SCNN1B: variants seen among roughly 807,000 people sequenced by gnomAD.
The protein encoded by SCNN1B is sodium channel epithelial 1 subunit beta.
In SCNN1B, 46 loss-of-function variants were observed where a neutral mutation model predicts 65.3. The ratio of observed to expected loss-of-function variants is 0.70; its 90% CI spans 0.56 to 0.90. SCNN1B has a LOEUF of 0.90. SCNN1B is among the 40% of genes least tolerant of loss of function. The pLI, the probability that SCNN1B is intolerant of heterozygous loss-of-function variation, is 0.00. For synonymous variants in SCNN1B, 349 were observed against 330.6 expected (o/e 1.06, Z -0.60); for missense variants, 751 against 830.5 (o/e 0.90, Z 1.18).
intron 2 of SCNN1B, among the ~76,000 whole-genome samples, chr16:23,285,852 T>C (rs1960842623): frequency 6.6e-6 from 1 of 152,094 alleles, no homozygotes; most frequent in Non-Finnish European, 1.5e-5. Context: ...TGCATGCCTA[T>C]AATCCCAGCT....
chr16:23,336,975 GTAGT>G (rs1379986201), intron 1 of SCNN1B, among the ~76,000 whole-genome samples: 1 of 152,108 alleles, frequency 6.6e-6, no homozygotes. Flanking sequence ...GAATTAGCAG[GTAGT>G]TAGAGGGAAA....
At chr16:23,376,468 G>A (rs1350472611) in intron 8 of SCNN1B, among the ~76,000 whole-genome samples, 1 of 152,092 alleles carries the variant, frequency 6.6e-6, no homozygotes, top group Non-Finnish European at 1.5e-5. Context: ...GGCGCTGGGT[G>A]GAAGGGGAGT....
At chr16:23,342,314 C>A (rs187295177) in intron 1 of SCNN1B, among the ~76,000 whole-genome samples, 4 of 152,352 alleles carry the variant, frequency 2.6e-5, no homozygotes, top group Non-Finnish European at 2.9e-5. Context: ...GTGGCACAAT[C>A]TCTGCTCACT....
At chr16:23,372,537 C>A (rs1962806326) in intron 7 of SCNN1B, among the ~76,000 whole-genome samples, 1 of 151,258 alleles carries the variant, frequency 6.6e-6, no homozygotes, top group South Asian at 2.1e-4. Context: ...CTCTGTCACC[C>A]AGGCTGGAGT....
intron 1 of SCNN1B, among the ~76,000 whole-genome samples, chr16:23,335,183 C>T (rs1260314017): frequency 6.6e-6 from 1 of 152,184 alleles, no homozygotes; most frequent in Non-Finnish European, 1.5e-5. Flanking sequence ...ATAGATTAAA[C>T]ATTGATATGC....
upstream of SCNN1B, among the ~76,000 whole-genome samples, chr16:23,298,739 CAGG>C (rs557116826): frequency 7.1e-4 from 108 of 152,334 alleles, no homozygotes; most frequent in South Asian, 1.0e-3. Context: ...GTTTTCTCCT[CAGG>C]AGGCCAAGTT....
chr16:23,309,069 T>A (rs908502688), intron 1 of SCNN1B, among the ~76,000 whole-genome samples: 2 of 152,096 alleles, frequency 1.3e-5, no homozygotes, highest in Non-Finnish European at 2.9e-5. Flanking sequence ...AGCAAAGACA[T>A]AATCTGGAGG....
At chr16:23,297,205 G>A (rs1485004316) in intron 2 of SCNN1B, among the ~76,000 whole-genome samples, 2 of 152,172 alleles carry the variant, frequency 1.3e-5, no homozygotes, top group Non-Finnish European at 2.9e-5. Context: ...TCAGGACTTA[G>A]GCAGGCAGTT....
chr16:23,335,363 A>G (rs1307465900), intron 1 of SCNN1B, among the ~76,000 whole-genome samples: 1 of 152,224 alleles, frequency 6.6e-6, no homozygotes, highest in Non-Finnish European at 1.5e-5. Flanking sequence ...ATGTTGCCTA[A>G]GCTGGCCTCA....
At chr16:23,324,881 C>A (rs1961660171) in intron 1 of SCNN1B, among the ~76,000 whole-genome samples, 1 of 152,246 alleles carries the variant, frequency 6.6e-6, no homozygotes, top group South Asian at 2.1e-4. Flanking sequence ...GGCTTAGGTG[C>A]TCACCATTGG....
At chr16:23,289,939 G>A (rs1256501240) in intron 2 of SCNN1B, among the ~76,000 whole-genome samples, 1 of 151,998 alleles carries the variant, frequency 6.6e-6, no homozygotes, top group Non-Finnish European at 1.5e-5. Flanking sequence ...GCCTCCCAAA[G>A]TGCTGGGATT....
Position 23,355,440 on chromosome 16 carries a change from G to A in SCNN1B, c.727G>A (p.Glu243Lys), listed in dbSNP as rs749944710. 1.5e-5 allele frequency: 24 copies of A among 1,614,066 alleles called. No individual in the cohort carries two copies. The highest frequency in any genetic ancestry group is 5.0e-5 in the Admixed American group (3 of 60,006). ...GCTAGTAGAGATGAGCTACCCCGGC[G>A]AGCAGATGATCCTGGCCTGCCTATT... The part of the protein sequence containing the change: ...QELVEMSYPG[E>K]QMILACLFGA... Residue 243 changes from glutamate to lysine, a missense_variant, in exon 4 of 13, where the codon GAG becomes AAG. Glu to Lys is a moderately conservative substitution (Grantham distance 56, BLOSUM62 1). Coordinates refer to ENST00000343070, the MANE Select transcript of SCNN1B (RefSeq NM_000336.3).
chr16:23,310,355 C>T (rs532916751), intron 1 of SCNN1B, among the ~76,000 whole-genome samples: 6 of 149,692 alleles, frequency 4.0e-5, no homozygotes, highest in African/African-American at 1.2e-4. Flanking sequence ...AAAATATTTG[C>T]CACTGTTATG....
At chr16:23,370,167 G>C (rs950645450) in intron 5 of SCNN1B, among the ~76,000 whole-genome samples, 1 of 152,118 alleles carries the variant, frequency 6.6e-6, no homozygotes, top group Non-Finnish European at 1.5e-5. Context: ...GTGCAGTGGC[G>C]CAATCTCGGC....
At chr16:23,347,678 T>C (rs1180640451) in intron 1 of SCNN1B, among the ~76,000 whole-genome samples, 2 of 152,152 alleles carry the variant, frequency 1.3e-5, no homozygotes, top group Non-Finnish European at 2.9e-5. Context: ...GATGCTGAGG[T>C]GGGTGGATCA....
chr16:23,347,676 G>A (rs370400132), intron 1 of SCNN1B, among the ~76,000 whole-genome samples: 145 of 152,344 alleles, frequency 9.5e-4, no homozygotes, highest in Non-Finnish European at 1.2e-3. Flanking sequence ...GGGATGCTGA[G>A]GTGGGTGGAT....
intron 1 of SCNN1B, among the ~76,000 whole-genome samples, chr16:23,309,791 G>C (rs181177417): frequency 5.0e-4 from 76 of 152,274 alleles, no homozygotes; most frequent in African/African-American, 1.6e-3. Flanking sequence ...ACCCGGGATC[G>C]ATACTTTGCA....
chr16:23,349,687 C>A (rs959192731), intron 2 of SCNN1B, among the ~76,000 whole-genome samples: 1 of 152,162 alleles, frequency 6.6e-6, no homozygotes, highest in Admixed American at 6.6e-5. Flanking sequence ...CTAGGCAACA[C>A]AAATACAACA....
Position 23,348,827 on chromosome 16 carries a change from C to G in SCNN1B, c.228C>G (p.Ser76Arg). The change falls in exon 2 of 13, where the codon AGC (serine) becomes AGG (arginine). Residue 76 changes from serine (S) to arginine (R), a missense_variant. By Grantham distance (110) the Ser-to-Arg change is moderately radical. Transcript: ENST00000343070. The surrounding 1 kb of genome is among the most constrained non-coding windows in gnomAD (Gnocchi z 4.5). ...QWGIFIRTYL[S>R]WEVSVSLSVG... ...GCATCTTCATCAGGACCTACTTGAG[C>G]TGGGAGGTCAGCGTCTCCCTCTCCG... is the stretch of plus-strand genomic sequence containing the variant. The G allele has an allele frequency of 6.2e-7, 1 of 1,614,182 alleles. No homozygotes were observed. Among genetic ancestry groups the G allele is most frequent in the Non-Finnish European group, 8.5e-7 (1 of 1,180,032 alleles).
Sources: gnomAD v4.1 joint callset for allele counts (sites outside exome capture counted in the v4.1 genomes callset) on GRCh38, gnomAD v4.1.1 for gene constraint, Gnocchi (gnomAD v3.1) non-coding constraint, MANE v1.5 for transcripts, NCBI Gene and HGNC (gene_info 2026-07-23, HGNC 2026-07-21) for gene names.